The following CACNA1C variants were observed in gnomAD, a reference collection of about 807,000 sequenced individuals.
CACNA1C encodes the protein calcium voltage-gated channel subunit alpha1 C, also known as voltage-dependent L-type calcium channel subunit alpha-1C.
Under a neutral mutation model 229.0 loss-of-function variants are expected in CACNA1C, and 30 were observed. The ratio of observed to expected loss-of-function variants is 0.13; its 90% CI spans 0.10 to 0.18. CACNA1C has a LOEUF of 0.18. Among genes scored for constraint, CACNA1C ranks in the 10% least tolerant of loss-of-function variants. CACNA1C has a pLI of 1.00. For synonymous variants in CACNA1C, 1,114 were observed against 1,132.5 expected (o/e 0.98, Z 0.33); for missense variants, 1,658 against 2,845.0 (o/e 0.58, Z 9.49).
chr12:2,089,873 C>CAA (rs56086335), intron 1 of CACNA1C, among the ~76,000 whole-genome samples: 6 of 151,220 alleles, frequency 4.0e-5, no homozygotes, highest in African/African-American at 7.3e-5. Context: ...ACTAAAAATA[C>CAA]AAAAAATTAG....
At chr12:2,220,873 G>A (rs1359307741) in intron 3 of CACNA1C, 1 of 151,918 alleles carries the variant, frequency 6.6e-6, no homozygotes, top group Non-Finnish European at 1.5e-5. Context: ...ATGAGGGCAA[G>A]AAGAGAAGAG....
At chr12:1,993,332 G>A (rs747556349) in intron 1 of CACNA1C, 6 of 1,614,008 alleles carry the variant, frequency 3.7e-6, no homozygotes, top group Non-Finnish European at 5.1e-6. Context: ...AATAGGTTCT[G>A]TCCTATTTTC....
At position 2,606,852 on chromosome 12, in the gene CACNA1C, C is replaced by T. The variant is rs123263; in HGVS notation, c.3210-132C>T. 0.2 allele frequency: 217,871 copies of T among 1,112,460 alleles called. 22,681 individuals are homozygous for T. Among genetic ancestry groups the T allele is most frequent in the East Asian group, 0.36 (14,324 of 39,808 alleles). 68.9% of individuals were successfully genotyped at this position (1,112,460 alleles called of 1,614,324 possible). On this transcript the variant is annotated intron_variant, in intron 25 of 46. Transcript: ENST00000399655. The stretch of plus-strand genomic sequence containing the variant: ...TTCCTGAAGTTTCTGCCCACTGAAG[C>T]TCCTCCCATGGCTAGAACGGTGAAG...
intron 1 of CACNA1C, among the ~76,000 whole-genome samples, chr12:2,065,017 A>G (rs1222006397): frequency 6.6e-6 from 1 of 152,210 alleles, no homozygotes; most frequent in Non-Finnish European, 1.5e-5. Context: ...CCAACCGACT[A>G]TTAGTAAATT....
intron 3 of CACNA1C, among the ~76,000 whole-genome samples, chr12:2,340,956 CAAAAA>C (rs140720432): frequency 1.4e-5 from 2 of 144,492 alleles, no homozygotes; most frequent in South Asian, 2.2e-4. Context: ...GACTCCGTCT[CAAAAA>C]AGAAAAAAAA....
intron 3 of CACNA1C, among the ~76,000 whole-genome samples, chr12:2,357,467 A>G (rs183752132): frequency 2.0e-5 from 3 of 152,166 alleles, no homozygotes; most frequent in Admixed American, 6.5e-5. Context: ...TTTTCTCCCT[A>G]AGTGACATCC....
Position 2,248,342 on chromosome 12 carries a change from G to A in CACNA1C, c.477+127912G>A, listed in dbSNP as rs140333489. 2.2e-3 allele frequency among the ~76,000 whole-genome samples: 339 copies of A among 152,304 alleles called. 2 individuals carry two copies. Among genetic ancestry groups the A allele is most frequent in the African/African-American group, 7.9e-3 (327 of 41,566 alleles). ...CCAGAGTTGGATGCTGGGAATCTCC[G>A]TGCTGTCCTTCCAGGGAACATTTCT... On this transcript the variant is annotated intron_variant, in intron 3 of 46. Transcript: ENST00000399655.
chr12:2,558,764 G>A (rs4765960), intron 11 of CACNA1C, among the ~76,000 whole-genome samples: 99,975 of 152,080 alleles, frequency 0.66, 34,102 homozygotes, highest in Non-Finnish European at 0.74. Context: ...GGACCCTGGT[G>A]TCTGACTTTT....
intron 3 of CACNA1C, among the ~76,000 whole-genome samples, chr12:2,123,375 CAAAAAAAAA>C (rs397761587): frequency 1.4e-5 from 1 of 72,996 alleles, no homozygotes; most frequent in Non-Finnish European, 2.5e-5. Flanking sequence ...GACTCCATCT[CAAAAAAAAA>C]AAAAAAAAAA....
chr12:2,446,912 G>A (rs2099299814), intron 3 of CACNA1C, among the ~76,000 whole-genome samples: 1 of 152,140 alleles, frequency 6.6e-6, no homozygotes, highest in African/African-American at 2.4e-5. Context: ...ATGGAAGTGT[G>A]AAAGCAACTA....
intron 3 of CACNA1C, among the ~76,000 whole-genome samples, chr12:2,178,049 A>G (rs1238592828): frequency 1.3e-5 from 2 of 152,228 alleles, no homozygotes; most frequent in Non-Finnish European, 2.9e-5. Flanking sequence ...CCAAATTGCA[A>G]GTTTCTTCTC....
At chr12:2,137,419 C>T (rs2093652961) in intron 3 of CACNA1C, among the ~76,000 whole-genome samples, 1 of 150,814 alleles carries the variant, frequency 6.6e-6, no homozygotes, top group Admixed American at 6.7e-5. Flanking sequence ...TATATATATA[C>T]ACACACATAC....
intron 3 of CACNA1C, among the ~76,000 whole-genome samples, chr12:2,281,334 T>C (rs2091207261): frequency 6.6e-6 from 1 of 152,132 alleles, no homozygotes; most frequent in African/African-American, 2.4e-5. Flanking sequence ...TCAATGAAAA[T>C]CATATATACT....
At chr12:2,441,748 G>A (rs12578811) in intron 3 of CACNA1C, among the ~76,000 whole-genome samples, 10,429 of 152,194 alleles carry the variant, frequency 0.069, 411 homozygotes, top group South Asian at 0.11. Flanking sequence ...AAATTCTTCC[G>A]GACTGGTCAG....
intron 9 of CACNA1C, among the ~76,000 whole-genome samples, chr12:2,536,797 C>A (rs1435925877): frequency 6.6e-6 from 1 of 152,060 alleles, no homozygotes; most frequent in African/African-American, 2.4e-5. Flanking sequence ...TCACTACACT[C>A]CAGCCTGGGC....
intron 3 of CACNA1C, among the ~76,000 whole-genome samples, chr12:2,155,313 T>C (rs2095503490): frequency 6.6e-6 from 1 of 152,090 alleles, no homozygotes; most frequent in African/African-American, 2.4e-5. Flanking sequence ...AGAACACCTT[T>C]CCTCCACAGA....
chr12:2,121,253 C>G lies in CACNA1C; in HGVS notation c.477+823C>G, dbSNP rs147040913. On this transcript the variant is annotated intron_variant, in intron 3 of 46. Coordinates refer to ENST00000399655, the MANE Select transcript of CACNA1C (RefSeq NM_000719.7). ...CGTGTTTGGTCATCAGAGCCACCGT[C>G]TTTCCCCTGCCGTCAGTACCTTCCT... Among the ~76,000 whole-genome samples the G allele has an allele frequency of 1.1e-4, 16 of 152,338 alleles. 1 individual carries two copies. The highest frequency in any genetic ancestry group is 3.4e-4 in the African/African-American group (14 of 41,570).
intron 15 of CACNA1C, among the ~76,000 whole-genome samples, chr12:2,583,553 G>A (rs1296690392): frequency 6.6e-6 from 1 of 152,160 alleles, no homozygotes; most frequent in Non-Finnish European, 1.5e-5. Context: ...CAGAGCCAGG[G>A]GTAACATAGG....
rs552013761 is a variant in CACNA1C at position 2,691,102 on chromosome 12, G to A, written c.6320G>A (p.Arg2107Gln). Residue 2107 changes from arginine (R) to glutamine (Q), a missense_variant, in exon 47 of 47, where the codon CGA (arginine) becomes CAA (glutamine). Arg to Gln is a conservative substitution (Grantham distance 43). This residue lies in a region of CACNA1C where 590 missense variants were observed against 700.8 expected (regional missense o/e 0.84). Coordinates refer to ENST00000399655, the MANE Select transcript of CACNA1C (RefSeq NM_000719.7). ...AACTGCAGGGACGCGGGGCAGGACC[G>A]AGCCGGGGGCGAAGAGGACGCGGGC... ...FVNCRDAGQDRAGGEEDAGCV... is the reference protein window; with the variant it reads ...FVNCRDAGQDQAGGEEDAGCV... 1 of 1,611,890 alleles carries A rather than the reference G, an allele frequency of 6.2e-7. No homozygotes were observed. The highest frequency in any genetic ancestry group is 1.7e-4 in the Middle Eastern group (1 of 5,970).
Sources: allele counts gnomAD v4.1 joint callset (sites outside exome capture counted in the v4.1 genomes callset), GRCh38; gene constraint gnomAD v4.1.1; regional missense constraint gnomAD v4.1.1; transcripts MANE v1.5; gene names NCBI Gene and HGNC (gene_info 2026-07-23, HGNC 2026-07-21).